The following SNAP25 variants were observed in gnomAD, a reference collection of about 807,000 sequenced individuals.
The protein encoded by SNAP25 is synaptosomal-associated protein 25.
Under a neutral mutation model 28.7 loss-of-function variants are expected in SNAP25, and 3 were observed. The observed-to-expected ratio is 0.10, with a 90% CI of 0.05 to 0.27. SNAP25 has a LOEUF of 0.27. Ranked by LOEUF, SNAP25 falls within the 10% of genes least tolerant of loss-of-function variation. SNAP25 has a pLI of 1.00. For synonymous variants in SNAP25, 61 were observed against 88.1 expected (o/e 0.69, Z 1.72); for missense variants, 117 against 278.7 (o/e 0.42, Z 4.13).
At chr20:10,245,395 A>G (rs1413352165) in intron 1 of SNAP25, among the ~76,000 whole-genome samples, 1 of 152,168 alleles carries the variant, frequency 6.6e-6, no homozygotes, top group Non-Finnish European at 1.5e-5. Context: ...GCACATCCTC[A>G]TGCTGTGTCT....
At chr20:10,292,894 G>A (rs1308989766) in intron 4 of SNAP25, 4 of 1,604,552 alleles carry the variant, frequency 2.5e-6, no homozygotes, top group East Asian at 2.2e-5. Flanking sequence ...CAACTCGATC[G>A]TGTCGAAGAA....
chr20:10,251,484 G>T (rs2063227074), intron 1 of SNAP25, among the ~76,000 whole-genome samples: 1 of 152,180 alleles, frequency 6.6e-6, no homozygotes, highest in Admixed American at 6.5e-5. Flanking sequence ...TATGGCAAAA[G>T]AAATAGCAGA....
intron 3 of SNAP25, among the ~76,000 whole-genome samples, chr20:10,282,151 GGAAGGAAGGATGGAAGGAA>G (rs2063788962): frequency 6.0e-5 from 5 of 83,346 alleles, no homozygotes; most frequent in African/African-American, 3.5e-4. Flanking sequence ...AAGGAGGGAA[GGAAGGAAGGATGGAAGGAA>G]GGAAGGAAGG....
At chr20:10,271,748 GAA>G (rs1379234797) in intron 1 of SNAP25, among the ~76,000 whole-genome samples, 1 of 152,134 alleles carries the variant, frequency 6.6e-6, no homozygotes, top group Non-Finnish European at 1.5e-5. Context: ...GAGAGAGAGA[GAA>G]GAGAGAGAGC....
rs958711328 is a variant in SNAP25 at position 10,264,918 on chromosome 20, C to CTTTTTTTTTTTTTTT, written c.-63-10506_-63-10492dup. On this transcript the variant is annotated intron_variant, in intron 1 of 7. Transcript: ENST00000254976. ...TGATGCAAGGAGATCTCAGACCATG[C>CTTTTTTTTTTTTTTT]TTTTTTTTTTTTTTTTTTTCTGAGA... Among the ~76,000 whole-genome samples, 4 of 117,126 alleles carry CTTTTTTTTTTTTTTT rather than the reference C, an allele frequency of 3.4e-5. 1 individual carries two copies. Among genetic ancestry groups the CTTTTTTTTTTTTTTT allele is most frequent in the African/African-American group, 1.4e-4 (4 of 29,514 alleles). 76.8% of individuals were successfully genotyped at this position (117,126 alleles called of 152,430 possible).
At chr20:10,302,720 A>C (rs1448456087) in intron 7 of SNAP25, among the ~76,000 whole-genome samples, 7 of 152,156 alleles carry the variant, frequency 4.6e-5, no homozygotes, top group African/African-American at 1.7e-4. Context: ...ACAGCATATA[A>C]GTAGGGTGAT....
chr20:10,281,818 C>T (rs1007845202), intron 3 of SNAP25, among the ~76,000 whole-genome samples: 1 of 152,184 alleles, frequency 6.6e-6, no homozygotes, highest in African/African-American at 2.4e-5. Flanking sequence ...ACGGAGGCGT[C>T]AGCTTCCCAT....
chr20:10,266,501 T>C (rs2063509227), intron 1 of SNAP25, among the ~76,000 whole-genome samples: 1 of 152,206 alleles, frequency 6.6e-6, no homozygotes. Context: ...TGAGAGCACA[T>C]TAACCCATGA....
At chr20:10,237,548 C>T (rs1360161447) in intron 1 of SNAP25, among the ~76,000 whole-genome samples, 1 of 152,216 alleles carries the variant, frequency 6.6e-6, no homozygotes, top group Non-Finnish European at 1.5e-5. Flanking sequence ...CAATGGCTGT[C>T]TCCAGCTTTG....
rs994142405 is a variant in SNAP25, at chr20:10,288,183, AAAAT to A, written c.163+3423_163+3426del. On this transcript the variant is annotated intron_variant, in intron 4 of 7. Coordinates refer to ENST00000254976, the MANE Select transcript of SNAP25 (RefSeq NM_130811.4). ...ATAATAATAAAATAAAAAAATTTAA[AAAAT>A]AAATAAATAAACATATACACTCAAA... is the stretch of plus-strand genomic sequence containing the variant. Among the ~76,000 whole-genome samples, 32 of 152,112 alleles carry A rather than the reference AAAAT, an allele frequency of 2.1e-4. 1 individual carries two copies. The highest frequency in any genetic ancestry group is 1.5e-3 in the East Asian group (8 of 5,190).
chr20:10,254,958 C>T (rs541702021), intron 1 of SNAP25, among the ~76,000 whole-genome samples: 3 of 152,188 alleles, frequency 2.0e-5, no homozygotes, highest in South Asian at 2.1e-4. Flanking sequence ...CTGTGCCTTC[C>T]GACTGTTTCT....
intron 4 of SNAP25, among the ~76,000 whole-genome samples, chr20:10,292,374 A>C (rs1328160821): frequency 1.3e-5 from 2 of 152,164 alleles, no homozygotes; most frequent in Non-Finnish European, 2.9e-5. Context: ...AGGGGAAGAA[A>C]AGACATCCAT....
intron 7 of SNAP25, among the ~76,000 whole-genome samples, chr20:10,304,472 A>C (rs1043956049): frequency 6.6e-6 from 1 of 152,232 alleles, no homozygotes; most frequent in African/African-American, 2.4e-5. Context: ...TGTTTTATGT[A>C]TTATTTACTG....
At chr20:10,258,722 C>G (rs1403597673) in intron 1 of SNAP25, among the ~76,000 whole-genome samples, 1 of 152,168 alleles carries the variant, frequency 6.6e-6, no homozygotes, top group Non-Finnish European at 1.5e-5. Flanking sequence ...TTAAGCAATT[C>G]GATATTTGGG....
intron 1 of SNAP25, among the ~76,000 whole-genome samples, chr20:10,273,684 A>G (rs1477255888): frequency 6.6e-6 from 1 of 152,182 alleles, no homozygotes; most frequent in African/African-American, 2.4e-5. Flanking sequence ...ACAGAGCACC[A>G]CTTCCTTGCA....
chr20:10,289,478 G>A (rs1027012194), intron 4 of SNAP25, among the ~76,000 whole-genome samples: 6 of 151,744 alleles, frequency 4.0e-5, no homozygotes, highest in Admixed American at 1.3e-4. Context: ...ATTCCTGTCC[G>A]GAGAGTCAGC....
At chr20:10,285,716 A>G (rs2063863821) in intron 4 of SNAP25, among the ~76,000 whole-genome samples, 1 of 151,980 alleles carries the variant, frequency 6.6e-6, no homozygotes, top group Admixed American at 6.6e-5. Context: ...GATAACAGAG[A>G]GAAGGCACTT....
intron 1 of SNAP25, among the ~76,000 whole-genome samples, chr20:10,250,506 A>T (rs1432015614): frequency 6.6e-6 from 1 of 152,230 alleles, no homozygotes; most frequent in Non-Finnish European, 1.5e-5. Flanking sequence ...AAGAAACCTT[A>T]AAGTATTTAT....
At chr20:10,240,724 T>C (rs939174694) in intron 1 of SNAP25, among the ~76,000 whole-genome samples, 1 of 152,180 alleles carries the variant, frequency 6.6e-6, no homozygotes, top group Non-Finnish European at 1.5e-5. Context: ...AATTGTGATG[T>C]TTGCAGACCC....
Sources: gnomAD v4.1 joint callset for allele counts (sites outside exome capture counted in the v4.1 genomes callset) on GRCh38, gnomAD v4.1.1 for gene constraint, MANE v1.5 for transcripts, NCBI Gene and HGNC (gene_info 2026-07-23, HGNC 2026-07-21) for gene names.